The following GSAP variants were observed in gnomAD, a reference collection of about 807,000 sequenced individuals.
GSAP encodes the protein gamma-secretase-activating protein.
Under a neutral mutation model 131.7 loss-of-function variants are expected in GSAP, and 118 were observed. The observed-to-expected ratio is 0.90, with a 90% CI of 0.77 to 1.04. GSAP has a LOEUF of 1.04. GSAP is among the 50% of genes least tolerant of loss of function. The pLI is 0.00. For missense variants in GSAP, 1,019 were observed against 1,013.2 expected (o/e 1.01, Z -0.08); for synonymous variants, 381 against 363.4 (o/e 1.05, Z -0.55).
At chr7:77,373,970 CTCTGT>C (rs1283970750) in intron 12 of GSAP, 95 bp downstream of exon 12, 9 of 715,954 alleles carry the variant, frequency 1.3e-5, no homozygotes, top group African/African-American at 1.1e-4. Context: ...AAAAATGTAG[CTCTGT>C]TCTATTTTCA....
intron 26 of GSAP, among the ~76,000 whole-genome samples, chr7:77,319,329 C>T (rs137944898): frequency 2.4e-3 from 359 of 152,178 alleles, no homozygotes; most frequent in African/African-American, 8.0e-3. Context: ...GGGAAATGCA[C>T]ATCAAAACCA....
intron 1 of GSAP, among the ~76,000 whole-genome samples, chr7:77,414,201 G>T (rs1457738289): frequency 6.6e-6 from 1 of 152,186 alleles, no homozygotes; most frequent in African/African-American, 2.4e-5. Flanking sequence ...AATTCAGAAA[G>T]CAAGTATGCA....
intron 19 of GSAP, among the ~76,000 whole-genome samples, chr7:77,338,262 A>C (rs1452436697): frequency 3.9e-5 from 6 of 152,218 alleles, no homozygotes; most frequent in African/African-American, 1.4e-4. Flanking sequence ...AGCAATCCAC[A>C]GTTTACAAAG....
chr7:77,369,669 A>G (rs1472106476), intron 12 of GSAP, among the ~76,000 whole-genome samples: 1 of 152,234 alleles, frequency 6.6e-6, no homozygotes, highest in East Asian at 1.9e-4. Flanking sequence ...TCTGGCCTCC[A>G]TGCCAGTGAA....
At chr7:77,399,667 T>C (rs10279383) in intron 3 of GSAP, among the ~76,000 whole-genome samples, 18,350 of 149,934 alleles carry the variant, frequency 0.12, 1,609 homozygotes, top group East Asian at 0.41. Context: ...CCCATTTGCA[T>C]ATTGCAGGGT....
chr7:77,351,220 A>T (rs1257386006), intron 18 of GSAP: 2 of 981,850 alleles, frequency 2.0e-6, no homozygotes, highest in East Asian at 2.3e-4. Context: ...ACTACAGAGG[A>T]TACCTCAAAA....
rs543246652 is a variant in GSAP, at chr7:77,311,228, C to A, written c.*130G>T. On this transcript the variant is annotated 3_prime_UTR_variant, in exon 31 of 31. Coordinates refer to ENST00000257626, the MANE Select transcript of GSAP (RefSeq NM_017439.4). Reference sequence around the variant, plus strand: ...TCTGAACGTGTACCAACCTGAAACTCACATGGCTAAACAATTATGGCTAAA... The same window carrying A: ...TCTGAACGTGTACCAACCTGAAACTAACATGGCTAAACAATTATGGCTAAA... 7 of 652,150 alleles carry A rather than the reference C, an allele frequency of 1.1e-5. No homozygotes were observed. The African/African-American group carries it at 1.1e-4, about 10-fold the overall frequency. The allele number at this position is 652,150 out of a possible 1,614,324, so 40.4% of individuals were successfully genotyped here.
At chr7:77,397,165 A>C (rs1800553374) in intron 4 of GSAP, 130 bp from the exon 5 acceptor site, 1 of 701,398 alleles carries the variant, frequency 1.4e-6, no homozygotes, top group East Asian at 2.7e-5. Context: ...CAGAACACAA[A>C]GCATTCTTTT....
At chr7:77,390,750 T>C (rs1584691756) in intron 5 of GSAP, among the ~76,000 whole-genome samples, 1 of 150,578 alleles carries the variant, frequency 6.6e-6, no homozygotes, top group East Asian at 1.9e-4. Context: ...ACTTGAAGTA[T>C]AATAATAAAA....
intron 6 of GSAP, among the ~76,000 whole-genome samples, chr7:77,385,974 A>G (rs115840538): frequency 0.015 from 2,238 of 152,328 alleles, 63 homozygotes; most frequent in African/African-American, 0.051. Flanking sequence ...GAACACACAC[A>G]GTTCATTCAA....
intron 12 of GSAP, among the ~76,000 whole-genome samples, chr7:77,369,002 T>C (rs1359313064): frequency 6.6e-6 from 1 of 152,202 alleles, no homozygotes; most frequent in African/African-American, 2.4e-5. Context: ...ATTTGGACAA[T>C]GAAAACTACT....
intron 2 of GSAP, among the ~76,000 whole-genome samples, chr7:77,405,495 G>GTTTAGT (rs1397074028): frequency 6.6e-6 from 1 of 152,100 alleles, no homozygotes; most frequent in African/African-American, 2.4e-5. Flanking sequence ...AGATATGCCT[G>GTTTAGT]TTTAGTTTTA....
chr7:77,342,778 T>A (rs537925790), intron 19 of GSAP, among the ~76,000 whole-genome samples: 46 of 152,240 alleles, frequency 3.0e-4, no homozygotes, highest in Middle Eastern at 3.4e-3. Flanking sequence ...TCCTTACAAT[T>A]CCCCTATTTT....
chr7:77,408,127 A>G (rs1000731260), intron 1 of GSAP, among the ~76,000 whole-genome samples: 4 of 152,212 alleles, frequency 2.6e-5, no homozygotes, highest in Non-Finnish European at 5.9e-5. Flanking sequence ...TCCTGTTCTG[A>G]GTCTTAGTTG....
intron 3 of GSAP, among the ~76,000 whole-genome samples, chr7:77,404,358 C>T (rs1435287187): frequency 1.3e-5 from 2 of 152,232 alleles, no homozygotes; most frequent in South Asian, 4.1e-4. Flanking sequence ...TCTGATAAAA[C>T]CCCCAACCTT....
At chr7:77,339,465 T>C (rs986363661) in intron 19 of GSAP, among the ~76,000 whole-genome samples, 1 of 152,144 alleles carries the variant, frequency 6.6e-6, no homozygotes, top group African/African-American at 2.4e-5. Flanking sequence ...TGATGGATCA[T>C]GGCTGTGTGC....
chr7:77,381,474 A>C, intron 7 of GSAP, 120 bp from the exon 8 acceptor site: 1 of 513,104 alleles, frequency 1.9e-6, no homozygotes, highest in Non-Finnish European at 3.4e-6. Context: ...ACTGGCCAGA[A>C]AAACAACACT....
chr7:77,395,735 G>A (rs1800271400), intron 5 of GSAP, among the ~76,000 whole-genome samples: 1 of 152,142 alleles, frequency 6.6e-6, no homozygotes, highest in African/African-American at 2.4e-5. Context: ...GAGAAGCCTG[G>A]GAGTGCCTCA....
intron 26 of GSAP, 97 bp downstream of exon 26, chr7:77,320,628 A>C: frequency 1.3e-6 from 1 of 741,808 alleles, no homozygotes. Context: ...TCTCATACAC[A>C]AGTCTCATCA....
Sources: allele counts gnomAD v4.1 joint callset (sites outside exome capture counted in the v4.1 genomes callset), GRCh38; gene constraint gnomAD v4.1.1; transcripts MANE v1.5; gene names NCBI Gene and HGNC (gene_info 2026-07-23, HGNC 2026-07-21).